The following VDAC3 variants were observed in gnomAD, a reference collection of about 807,000 sequenced individuals.
VDAC3 encodes the protein non-selective voltage-gated ion channel VDAC3.
VDAC3 carries 7 observed loss-of-function variants against 33.9 expected under a neutral mutation model. The ratio of observed to expected loss-of-function variants is 0.21; its 90% confidence interval spans 0.12 to 0.39. The LOEUF (loss-of-function observed/expected upper bound fraction) is 0.39, where lower values mean the gene tolerates loss of function less well. Ranked by LOEUF, VDAC3 falls within the 10% of genes least tolerant of loss-of-function variation. The pLI, the probability that VDAC3 is intolerant of heterozygous loss-of-function variation, is 1.00. For missense variants in VDAC3, 261 were observed against 334.5 expected (o/e 0.78, Z 1.71); for synonymous variants, 100 against 122.4 (o/e 0.82, Z 1.21).
In VDAC3 at chr8:42,403,358, A is replaced by G; in HGVS notation, c.599A>G (p.Glu200Gly). ...FGGSIYQKVN[E>G]KIETSINLAW... ...GGTTCTATCTACCAGAAGGTGAATG[A>G]GAAGATTGAAACATCCATAAACCTT... is the stretch of plus-strand genomic sequence containing the variant. Residue 200 changes from glutamate to glycine, a missense_variant, in exon 8 of 10, where the codon GAG (glutamate) becomes GGG (glycine). Glu to Gly is a moderately conservative substitution (Grantham distance 98). Coordinates refer to ENST00000022615, the MANE Select transcript of VDAC3 (RefSeq NM_005662.7). 1.9e-6 allele frequency: 3 copies of G among 1,613,974 alleles called. No homozygotes were observed. The highest frequency in any genetic ancestry group is 1.1e-5 in the South Asian group (1 of 90,950).
At chr8:42,398,052 T>G (rs1395897323) in intron 4 of VDAC3, among the ~76,000 whole-genome samples, 1 of 152,240 alleles carries the variant, frequency 6.6e-6, no homozygotes, top group East Asian at 1.9e-4. Flanking sequence ...AATTAACTGA[T>G]AGTTTGAAAC....
chr8:42,403,267 G>A (rs781219370), intron 7 of VDAC3, 44 bp from the exon 8 acceptor site: 7 of 1,609,088 alleles, frequency 4.4e-6, no homozygotes, highest in Middle Eastern at 1.7e-4. Context: ...AATAACAATG[G>A]TACAAACTAG....
At chr8:42,402,741 T>TA (rs1802436432) in intron 7 of VDAC3, among the ~76,000 whole-genome samples, 1 of 152,216 alleles carries the variant, frequency 6.6e-6, no homozygotes, top group South Asian at 2.1e-4. Flanking sequence ...TATAGACAGT[T>TA]ACTGAAATTG....
At chr8:42,399,532 G>T in intron 5 of VDAC3, 119 bp from the exon 6 acceptor site, 1 of 795,062 alleles carries the variant, frequency 1.3e-6, no homozygotes, top group Non-Finnish European at 2.0e-6. Flanking sequence ...TTAATATTTT[G>T]CTTTCTTGAA....
At chr8:42,402,145 C>T in intron 7 of VDAC3, 130 bp downstream of exon 7, 3 of 1,023,376 alleles carry the variant, frequency 2.9e-6, no homozygotes, top group East Asian at 2.6e-5. Context: ...CGGTGCTATC[C>T]TCATAGCAAA....
At chr8:42,395,154 T>C in intron 4 of VDAC3, 21 bp downstream of exon 4, 1 of 1,613,474 alleles carries the variant, frequency 6.2e-7, no homozygotes, top group South Asian at 1.1e-5. Context: ...AATATATTTT[T>C]AATGAATGTA....
At chr8:42,404,990 C>A (rs1802475340) in intron 9 of VDAC3, 66 bp downstream of exon 9, 1 of 1,441,024 alleles carries the variant, frequency 6.9e-7, no homozygotes, top group Admixed American at 1.8e-5. Context: ...ATGAAAATAA[C>A]CTGCAGAACA....
chr8:42,395,124 T>G lies in VDAC3; in HGVS notation c.108T>G (p.Cys36Trp), dbSNP rs1224586408. ...MVKIDLKTKS[C>W]SGVEFSTSGH... ...AGATAGACCTGAAAACCAAGTCTTG[T>G]AGTGGAGTGGTGAGTATCTAATATA... Residue 36 changes from cysteine (C) to tryptophan (W), a missense_variant, in exon 4 of 10, where the codon TGT (cysteine) becomes TGG (tryptophan). By Grantham distance (215) the Cys-to-Trp change is radical. Coordinates refer to ENST00000022615, the MANE Select transcript of VDAC3 (RefSeq NM_005662.7). The G allele has an allele frequency of 5.0e-6, 8 of 1,613,924 alleles. No individual in the cohort carries two copies. The highest frequency in any genetic ancestry group is 6.8e-6 in the Non-Finnish European group (8 of 1,179,944).
Position 42,393,842 on chromosome 8 carries a change from C to T in VDAC3, c.-42-3C>T. 4.8e-6 allele frequency: 2 copies of T among 418,652 alleles called. No homozygotes were observed. The highest frequency in any genetic ancestry group is 4.2e-6 in the Non-Finnish European group (1 of 236,824). 25.9% of individuals were successfully genotyped at this position (418,652 alleles called of 1,614,324 possible). On this transcript the variant is annotated splice_region_variant and splice_polypyrimidine_tract_variant and intron_variant, in intron 1 of 9. Transcript: ENST00000022615. ...TAAAAATTTCCATTGTTGTCTTATA[C>T]AGGTCTTTGGTTTCATAAGAGCCTG...
chr8:42,398,344 C>T (rs1455750952), intron 4 of VDAC3, among the ~76,000 whole-genome samples: 1 of 152,144 alleles, frequency 6.6e-6, no homozygotes, highest in Non-Finnish European at 1.5e-5. Flanking sequence ...CAACCTCTGC[C>T]TCCTGGGCTC....
chr8:42,402,535 A>T (rs1802433725), intron 7 of VDAC3, among the ~76,000 whole-genome samples: 1 of 152,226 alleles, frequency 6.6e-6, no homozygotes, highest in Non-Finnish European at 1.5e-5. Flanking sequence ...CCTGGGATTC[A>T]GTTATGTAGG....
intron 4 of VDAC3, 34 bp from the exon 5 acceptor site, chr8:42,398,678 A>G (rs1270566738): frequency 1.3e-6 from 2 of 1,595,532 alleles, no homozygotes; most frequent in African/African-American, 1.4e-5. Context: ...TTGATGAGCT[A>G]ATTTTAAAGT....
chr8:42,398,831 T>C lies in VDAC3; in HGVS notation c.237T>C (p.Asn79=). ...LTFTQKWNTD[N]TLGTEISWEN... ...TCACCCAGAAATGGAACACAGACAA[T>C]ACTCTAGGGACAGAAATCTCTTGGG... Residue 79 remains asparagine, a synonymous_variant, in exon 5 of 10, where the codon AAT becomes AAC. Transcript: ENST00000022615. The C allele has an allele frequency of 3.7e-6, 6 of 1,613,894 alleles. No individual in the cohort carries two copies. Among genetic ancestry groups the C allele is most frequent in the Non-Finnish European group, 5.1e-6 (6 of 1,179,948 alleles).
chr8:42,398,152 G>A (rs1285451346), intron 4 of VDAC3, among the ~76,000 whole-genome samples: 1 of 152,114 alleles, frequency 6.6e-6, no homozygotes, highest in African/African-American at 2.4e-5. Context: ...AAAGGCATTT[G>A]TTTTCAGTAA....
intron 9 of VDAC3, 43 bp downstream of exon 9, chr8:42,404,967 G>A (rs775355259): frequency 1.9e-6 from 3 of 1,569,034 alleles, no homozygotes; most frequent in African/African-American, 1.4e-5. Context: ...GGTGGAAGGT[G>A]ATAGAGAAAA....
At chr8:42,399,518 T>A (rs1399616550) in intron 5 of VDAC3, 133 bp from the exon 6 acceptor site, 2 of 688,506 alleles carry the variant, frequency 2.9e-6, no homozygotes, top group Non-Finnish European at 4.7e-6. Context: ...ACTTATTACA[T>A]AATTTAATAT....
intron 1 of VDAC3, among the ~76,000 whole-genome samples, chr8:42,392,443 A>G (rs773754351): frequency 1.7e-4 from 26 of 152,308 alleles, no homozygotes; most frequent in East Asian, 1.5e-3. Context: ...GTGCACATCT[A>G]TGGGCAGGTG....
At chr8:42,402,218 C>G in intron 7 of VDAC3, 4 of 607,332 alleles carry the variant, frequency 6.6e-6, no homozygotes, top group Non-Finnish European at 1.2e-5. Context: ...ACTGGCCCCT[C>G]AGCCTGCACC....
intron 5 of VDAC3, among the ~76,000 whole-genome samples, chr8:42,399,161 A>G (rs1226636902): frequency 6.6e-6 from 1 of 152,124 alleles, no homozygotes; most frequent in Non-Finnish European, 1.5e-5. Flanking sequence ...TTGTTGAAAA[A>G]TTGGCTTGAC....
Sources: gnomAD v4.1 joint callset for allele counts (sites outside exome capture counted in the v4.1 genomes callset) on GRCh38, gnomAD v4.1.1 for gene constraint, MANE v1.5 for transcripts, NCBI Gene and HGNC (gene_info 2026-07-23, HGNC 2026-07-21) for gene names.